SMURF2: variants seen among roughly 807,000 people sequenced by gnomAD.
SMURF2 encodes E3 ubiquitin-protein ligase SMURF2.
In SMURF2, 48 loss-of-function variants were observed where a neutral mutation model predicts 109.6. The ratio of observed to expected loss-of-function variants is 0.44; its 90% confidence interval spans 0.35 to 0.56. The LOEUF is 0.56. Ranked by LOEUF, SMURF2 falls within the 20% of genes least tolerant of loss-of-function variation. The pLI is 0.01. For synonymous variants in SMURF2, 288 were observed against 317.1 expected (o/e 0.91, Z 0.97); for missense variants, 575 against 909.0 (o/e 0.63, Z 4.72).
At chr17:64,585,311 TTC>T (rs1326080610) in intron 6 of SMURF2, among the ~76,000 whole-genome samples, 1 of 152,180 alleles carries the variant, frequency 6.6e-6, no homozygotes, top group Non-Finnish European at 1.5e-5. Flanking sequence ...GGCAAATAAC[TTC>T]TCTCTTAGTT....
intron 1 of SMURF2, among the ~76,000 whole-genome samples, chr17:64,651,375 C>A (rs1970637396): frequency 6.6e-6 from 1 of 151,604 alleles, no homozygotes; most frequent in Non-Finnish European, 1.5e-5. Context: ...GAGTTCAAGA[C>A]CAGCCTGGCA....
chr17:64,600,146 A>G (rs1969874443), intron 2 of SMURF2, among the ~76,000 whole-genome samples: 1 of 152,164 alleles, frequency 6.6e-6, no homozygotes, highest in African/African-American at 2.4e-5. Context: ...AGCTGTTGTA[A>G]TTATCCAACA....
Position 64,641,700 on chromosome 17 carries a change from G to C in SMURF2, c.52+20129C>G, listed in dbSNP as rs576972265. On this transcript the variant is annotated intron_variant, in intron 1 of 18. Transcript: ENST00000262435. ...GGCTCTGACATGACCTGAAGTGAGAGATATGCCCAGCCACCCCCCAGCAAT... is the reference window on the plus strand; with the variant it reads ...GGCTCTGACATGACCTGAAGTGAGACATATGCCCAGCCACCCCCCAGCAAT... 2.6e-5 allele frequency among the ~76,000 whole-genome samples: 4 copies of C among 152,242 alleles called. No individual in the cohort carries two copies. The South Asian group carries it at 8.3e-4, about 32-fold the overall frequency.
chr17:64,579,622 A>G (rs1555686341), intron 8 of SMURF2, among the ~76,000 whole-genome samples: 1 of 152,208 alleles, frequency 6.6e-6, no homozygotes, highest in African/African-American at 2.4e-5. Flanking sequence ...AAATGGCAGG[A>G]GAGTATTTCT....
At chr17:64,585,940 C>T (rs782345556) in intron 6 of SMURF2, 146 bp downstream of exon 6, 4 of 450,898 alleles carry the variant, frequency 8.9e-6, no homozygotes, top group African/African-American at 6.1e-5. Flanking sequence ...GAGACAAGAT[C>T]TTCCATTAAT....
intron 1 of SMURF2, among the ~76,000 whole-genome samples, chr17:64,653,792 T>G (rs1970669797): frequency 6.6e-6 from 1 of 152,196 alleles, no homozygotes; most frequent in East Asian, 1.9e-4. Flanking sequence ...CAAAGAGCCA[T>G]GTACTCAAAT....
At chr17:64,650,672 A>C (rs1288172556) in intron 1 of SMURF2, among the ~76,000 whole-genome samples, 1 of 151,754 alleles carries the variant, frequency 6.6e-6, no homozygotes, top group Non-Finnish European at 1.5e-5. Flanking sequence ...GCCTACTAAA[A>C]ATACAAAATT....
rs112514751 is a variant in SMURF2 at position 64,554,750 on chromosome 17, C to T, written c.1748+106G>A. On this transcript the variant is annotated intron_variant, in intron 15 of 18. Transcript: ENST00000262435. ...AATAAGCCACTAAATTCTCCTGAAG[C>T]GGATTTTGTAACACTAAGTAGTACT... 35 of 1,006,356 alleles carry T rather than the reference C, an allele frequency of 3.5e-5. 1 individual carries two copies. The highest frequency in any genetic ancestry group is 1.5e-4 in the East Asian group (6 of 39,704). The allele number at this position is 1,006,356 out of a possible 1,614,324, so 62.3% of individuals were successfully genotyped here.
intron 1 of SMURF2, among the ~76,000 whole-genome samples, chr17:64,625,846 T>C (rs542162996): frequency 4.6e-5 from 7 of 152,298 alleles, no homozygotes; most frequent in South Asian, 2.1e-4. Flanking sequence ...GAGATGGTGA[T>C]GGTAAAGCGC....
chr17:64,572,163 T>C (rs1012939294), intron 9 of SMURF2, among the ~76,000 whole-genome samples: 2 of 152,188 alleles, frequency 1.3e-5, no homozygotes, highest in African/African-American at 2.4e-5. Context: ...GAAAAACTTA[T>C]CACATAGCCT....
chr17:64,584,241 C>T (rs1226644002), intron 6 of SMURF2, among the ~76,000 whole-genome samples: 6 of 143,770 alleles, frequency 4.2e-5, no homozygotes, highest in African/African-American at 1.1e-4. Flanking sequence ...TTGCTTGAAC[C>T]GGGGAGGCGG....
intron 2 of SMURF2, among the ~76,000 whole-genome samples, chr17:64,606,225 T>C (rs754172576): frequency 1.3e-5 from 2 of 152,194 alleles, no homozygotes; most frequent in East Asian, 3.8e-4. Context: ...CCAATGAATC[T>C]TGAATGAGTA....
intron 1 of SMURF2, among the ~76,000 whole-genome samples, chr17:64,609,478 A>G (rs1324013920): frequency 1.3e-5 from 2 of 152,056 alleles, no homozygotes; most frequent in Non-Finnish European, 2.9e-5. Flanking sequence ...CACATCTACA[A>G]CCATCTGATC....
At chr17:64,612,500 C>T (rs1394376847) in intron 1 of SMURF2, among the ~76,000 whole-genome samples, 41 of 145,026 alleles carry the variant, frequency 2.8e-4, no homozygotes, top group Middle Eastern at 3.5e-3. Flanking sequence ...CCCATCTCTA[C>T]TAAAAATACA....
chr17:64,637,941 A>AAAAAAAAAAAAAAAAAAAAAAAAAAAC (rs1970441234), intron 1 of SMURF2, among the ~76,000 whole-genome samples: 1 of 151,478 alleles, frequency 6.6e-6, no homozygotes, highest in Non-Finnish European at 1.5e-5. Context: ...AAAAAAAAAA[A>AAAAAAAAAAAAAAAAAAAAAAAAAAAC]AATCAACTGA....
chr17:64,562,402 G>A lies in SMURF2; in HGVS notation c.1212+369C>T, dbSNP rs1366577623. Reference sequence around the variant, plus strand: ...TCTAATTTTTTTTTTTTTTTGAGACGGAGTTTCGTTCTTATTGCCCAGGCT... The same window carrying A: ...TCTAATTTTTTTTTTTTTTTGAGACAGAGTTTCGTTCTTATTGCCCAGGCT... On this transcript the variant is annotated intron_variant, in intron 11 of 18. Coordinates refer to ENST00000262435, the MANE Select transcript of SMURF2 (RefSeq NM_022739.4). Among the ~76,000 whole-genome samples the A allele has an allele frequency of 1.6e-4, 23 of 146,450 alleles. 1 individual carries two copies. In the South Asian group the frequency reaches 1.7e-3, roughly 11 times the overall value.
chr17:64,602,916 C>CT (rs1171979182), intron 2 of SMURF2, among the ~76,000 whole-genome samples: 1 of 151,914 alleles, frequency 6.6e-6, no homozygotes, highest in Non-Finnish European at 1.5e-5. Context: ...CAGAGACAGA[C>CT]TTTGTCTCAA....
chr17:64,588,918 C>A (rs186857122), intron 5 of SMURF2, among the ~76,000 whole-genome samples: 1 of 152,132 alleles, frequency 6.6e-6, no homozygotes, highest in Non-Finnish European at 1.5e-5. Context: ...CCACTGTGCC[C>A]GGCCCGGGAA....
intron 1 of SMURF2, among the ~76,000 whole-genome samples, chr17:64,659,843 AAAG>A (rs1394654682): frequency 6.6e-6 from 1 of 152,224 alleles, no homozygotes; most frequent in Non-Finnish European, 1.5e-5. Context: ...CACTGTAACC[AAAG>A]AAGGAAGGAC....
Sources: gnomAD v4.1 joint callset for allele counts (sites outside exome capture counted in the v4.1 genomes callset) on GRCh38, gnomAD v4.1.1 for gene constraint, MANE v1.5 for transcripts, NCBI Gene and HGNC (gene_info 2026-07-23, HGNC 2026-07-21) for gene names.